IP6K1: variants seen among roughly 807,000 people sequenced by gnomAD.
IP6K1 encodes inositol hexakisphosphate kinase 1, also known as ATP:1D-myo-inositol-hexakisphosphate phosphotransferase.
Under a neutral mutation model 38.3 loss-of-function variants are expected in IP6K1, and 13 were observed. That is an observed-to-expected ratio of 0.34 (90% CI 0.22 to 0.54). The LOEUF (loss-of-function observed/expected upper bound fraction) is 0.54. Among genes scored for constraint, IP6K1 ranks in the 20% least tolerant of loss-of-function variants. IP6K1 has a pLI of 0.92. For synonymous variants in IP6K1, 212 were observed against 229.9 expected, an observed-to-expected ratio of 0.92 and a Z score of 0.70; for missense variants, 397 against 599.8, an observed-to-expected ratio of 0.66 and a Z score of 3.53.
rs142828261 is a variant in IP6K1, at chr3:49,753,610, T to C, written c.-128-5442A>G. On this transcript the variant is annotated intron_variant, in intron 1 of 5. Coordinates refer to ENST00000321599, the MANE Select transcript of IP6K1 (RefSeq NM_153273.4). The stretch of plus-strand genomic sequence containing the variant: ...CACAATAAATCTGGCTGAATAAATA[T>C]ATGTATGTTTATGATATACATAACA... Among the ~76,000 whole-genome samples the C allele has an allele frequency of 3.2e-4, 49 of 152,286 alleles. 1 individual carries two copies. The East Asian group carries it at 9.1e-3, about 28-fold the overall frequency.
At chr3:49,730,012 C>T (rs1185382506) in intron 4 of IP6K1, among the ~76,000 whole-genome samples, 1 of 152,164 alleles carries the variant, frequency 6.6e-6, no homozygotes, top group Non-Finnish European at 1.5e-5. Flanking sequence ...CCTGCCTCAG[C>T]CTCCCAAGCA....
chr3:49,746,175 C>T (rs1314179300), intron 2 of IP6K1, among the ~76,000 whole-genome samples: 1 of 151,952 alleles, frequency 6.6e-6, no homozygotes, highest in African/African-American at 2.4e-5. Context: ...AAAGAACTTC[C>T]ACATGATCTG....
intron 1 of IP6K1, among the ~76,000 whole-genome samples, chr3:49,762,839 C>T (rs60205400): frequency 0.49 from 73,866 of 151,474 alleles, 19,143 homozygotes; most frequent in African/African-American, 0.63. Context: ...TGGCACAATC[C>T]CAGCTCATGG....
intron 1 of IP6K1, among the ~76,000 whole-genome samples, chr3:49,784,887 G>C (rs1158458588): frequency 6.6e-6 from 1 of 152,206 alleles, no homozygotes; most frequent in Non-Finnish European, 1.5e-5. Context: ...AGAGGTTGCA[G>C]TGAGCCGAGA....
chr3:49,770,254 G>A (rs34462841), intron 1 of IP6K1, among the ~76,000 whole-genome samples: 2,486 of 152,250 alleles, frequency 0.016, 30 homozygotes, highest in Non-Finnish European at 0.025. Context: ...GGAATAATTT[G>A]TTACAGAGCA....
intron 1 of IP6K1, among the ~76,000 whole-genome samples, chr3:49,751,440 A>C (rs562865811): frequency 5.3e-5 from 8 of 151,888 alleles, no homozygotes; most frequent in Admixed American, 3.3e-4. Context: ...GATTACAGGC[A>C]TGAGCCACCA....
chr3:49,728,418 A>AC (rs932254861), intron 4 of IP6K1, 140 bp from the exon 5 acceptor site: 1 of 709,568 alleles, frequency 1.4e-6, no homozygotes, highest in Non-Finnish European at 2.4e-6. Flanking sequence ...TGGGTTTCAC[A>AC]CCACTGGCTT....
At chr3:49,740,454 A>G (rs2080656682) in intron 2 of IP6K1, among the ~76,000 whole-genome samples, 1 of 152,064 alleles carries the variant, frequency 6.6e-6, no homozygotes, top group African/African-American at 2.4e-5. Context: ...CTATTTCCAA[A>G]ATGTTTTTCA....
chr3:49,783,355 G>T (rs531580850), intron 1 of IP6K1, among the ~76,000 whole-genome samples: 1 of 151,962 alleles, frequency 6.6e-6, no homozygotes, highest in East Asian at 1.9e-4. Flanking sequence ...GACCAGCCTG[G>T]CCAACATGGT....
intron 1 of IP6K1, among the ~76,000 whole-genome samples, chr3:49,776,167 G>C (rs1049167053): frequency 3.3e-5 from 5 of 151,718 alleles, no homozygotes; most frequent in African/African-American, 1.2e-4. Flanking sequence ...TAAAGTTAGT[G>C]TTTATTTTCT....
Position 49,738,295 on chromosome 3 carries a change from G to A in IP6K1, c.351C>T (p.His117=), listed in dbSNP as rs148966674. 69 of 1,614,224 alleles carry A rather than the reference G, an allele frequency of 4.3e-5. No homozygotes were observed. In the East Asian group the frequency reaches 7.6e-4, roughly 18 times the overall value. ...CTGACCGGTGCAGGCTCCGGCGGGAGTGTTTGCGCCGAGGTTGCTCCCGTT... is the reference window on the plus strand; with the variant it reads ...CTGACCGGTGCAGGCTCCGGCGGGAATGTTTGCGCCGAGGTTGCTCCCGTT... The part of the protein sequence containing the change: ...TTEREQPRRK[H]SRRSLHRSGS... The change falls in exon 3 of 6, where the codon CAC becomes CAT. Residue 117 remains histidine, a synonymous_variant. Transcript: ENST00000321599.
chr3:49,757,749 C>T (rs750932092), intron 1 of IP6K1, among the ~76,000 whole-genome samples: 6 of 151,958 alleles, frequency 3.9e-5, no homozygotes, highest in Non-Finnish European at 5.9e-5. Context: ...AAAAAAACTG[C>T]TCTCTCTCCA....
intron 1 of IP6K1, among the ~76,000 whole-genome samples, chr3:49,763,890 C>T (rs1231817144): frequency 2.0e-5 from 3 of 151,938 alleles, no homozygotes; most frequent in Non-Finnish European, 4.4e-5. Context: ...CGCATGGTGG[C>T]GGGCACCTGT....
At chr3:49,732,727 T>C in intron 4 of IP6K1, 64 bp downstream of exon 4, 2 of 1,380,926 alleles carry the variant, frequency 1.4e-6, no homozygotes, top group Non-Finnish European at 2.0e-6. Context: ...ATAGGCAGAA[T>C]GGTGCCCCAA....
At chr3:49,730,091 C>T (rs1356682033) in intron 4 of IP6K1, among the ~76,000 whole-genome samples, 1 of 152,024 alleles carries the variant, frequency 6.6e-6, no homozygotes, top group Non-Finnish European at 1.5e-5. Context: ...CAGGGTTTTA[C>T]CATGTTGGCC....
chr3:49,772,210 C>T (rs939084956), intron 1 of IP6K1, among the ~76,000 whole-genome samples: 2 of 117,854 alleles, frequency 1.7e-5, no homozygotes, highest in African/African-American at 3.1e-5. Flanking sequence ...AAGACCCTTT[C>T]CCTTAAAAAA....
chr3:49,735,445 C>T (rs1282375260), intron 3 of IP6K1, among the ~76,000 whole-genome samples: 2 of 152,206 alleles, frequency 1.3e-5, no homozygotes, highest in African/African-American at 2.4e-5. Flanking sequence ...GGGGAACATT[C>T]TTTGTCACCT....
At chr3:49,764,949 A>G (rs914927679) in intron 1 of IP6K1, among the ~76,000 whole-genome samples, 3 of 152,110 alleles carry the variant, frequency 2.0e-5, no homozygotes, top group Middle Eastern at 3.2e-3. Context: ...GACACATTAT[A>G]AAACAAAAAC....
At chr3:49,769,298 T>C (rs1287300869) in intron 1 of IP6K1, among the ~76,000 whole-genome samples, 1 of 152,180 alleles carries the variant, frequency 6.6e-6, no homozygotes, top group East Asian at 1.9e-4. Context: ...AAAAAGAAAC[T>C]GTAATATTCA....
Sources: allele counts gnomAD v4.1 joint callset (sites outside exome capture counted in the v4.1 genomes callset), GRCh38; gene constraint gnomAD v4.1.1; transcripts MANE v1.5; gene names NCBI Gene and HGNC (gene_info 2026-07-23, HGNC 2026-07-21).